Variants in DNAH10 observed in about 807,000 individuals in gnomAD.
DNAH10 encodes dynein axonemal heavy chain 10, also known as axonemal beta dynein heavy chain 10.
In DNAH10, 348 loss-of-function variants were observed where a neutral mutation model predicts 506.6. That is an observed-to-expected ratio of 0.69 (90% CI 0.63 to 0.75). The LOEUF (loss-of-function observed/expected upper bound fraction) is 0.75, where lower values mean the gene tolerates loss of function less well. Among genes scored for constraint, DNAH10 ranks in the 30% least tolerant of loss-of-function variants. The probability of loss-of-function intolerance (pLI) is 0.00; values close to 1 mark genes in which losing one functional copy is unlikely to be tolerated. For missense variants in DNAH10, 5,179 were observed against 5,787.1 expected (o/e 0.89, Z 3.41); for synonymous variants, 2,059 against 2,198.6 (o/e 0.94, Z 1.78).
chr12:123,865,452 A>G (rs6488907), intron 40 of DNAH10, among the ~76,000 whole-genome samples: 109,505 of 152,046 alleles, frequency 0.72, 40,892 homozygotes, highest in African/African-American at 0.9. Context: ...TCAGTGCATG[A>G]AATATTTGTA....
chr12:123,835,530 C>G lies in DNAH10; in HGVS notation c.4902+2C>G. 1.2e-6 allele frequency: 2 copies of G among 1,605,550 alleles called. No homozygotes were observed. Among genetic ancestry groups the G allele is most frequent in the Non-Finnish European group, 1.7e-6 (2 of 1,175,762 alleles). On this transcript the variant is annotated splice_donor_variant, in intron 28 of 78. Coordinates refer to ENST00000673944, the MANE Select transcript of DNAH10 (RefSeq NM_001372106.1). LOFTEE classifies it high-confidence loss of function. ...AACATCGATAAAGTATTTAAAAGGG[C>G]AAGTGACTCGCTTCTATTTTAGTAA...
chr12:123,870,442 A>AT lies in DNAH10; in HGVS notation c.7596_7597insT (p.Glu2533Ter), dbSNP rs1951983137. The AT allele has an allele frequency of 6.2e-7, 1 of 1,613,814 alleles. No individual in the cohort carries two copies. The highest frequency in any genetic ancestry group is 8.5e-7 in the Non-Finnish European group (1 of 1,179,884). On this transcript the variant is annotated frameshift_variant, in exon 44 of 79. Transcript: ENST00000673944. LOFTEE classifies it high-confidence loss of function. ...GGGTCCCATGGAGTAAATTAGTTCC[A>AT]GAGTATATTCATGCCCCCGAGAGGA...
In DNAH10 at chr12:123,803,722, C is replaced by G; in HGVS notation, c.2676C>G (p.His892Gln). 1 of 1,611,216 alleles carries G rather than the reference C, an allele frequency of 6.2e-7. No homozygotes were observed. Among genetic ancestry groups the G allele is most frequent in the Non-Finnish European group, 8.5e-7 (1 of 1,179,136 alleles). The change falls in exon 17 of 79, where the codon CAC becomes CAG. Residue 892 changes from histidine to glutamine, a missense_variant. This residue lies in a region of DNAH10 where 4,844 missense variants were observed against 5,430.5 expected (regional missense o/e 0.89). Coordinates refer to ENST00000673944, the MANE Select transcript of DNAH10 (RefSeq NM_001372106.1). ...QAIGKFESLV[H>Q]QIHKNADDIS... ...TTGGGAAATTTGAGTCTCTCGTCCA[C>G]CAGATTCATAAGAATGCAGATGACA...
At chr12:123,778,480 A>G (rs949769531) in intron 5 of DNAH10, among the ~76,000 whole-genome samples, 1 of 152,132 alleles carries the variant, frequency 6.6e-6, no homozygotes, top group African/African-American at 2.4e-5. Flanking sequence ...GGATCACCTG[A>G]GGTCAGGAGT....
intron 51 of DNAH10, 124 bp downstream of exon 51, chr12:123,881,937 G>A: frequency 1.0e-6 from 1 of 974,684 alleles, no homozygotes; most frequent in Non-Finnish European, 1.4e-6. Flanking sequence ...GTATCGAGGT[G>A]GGTGTTTTGG....
intron 2 of DNAH10, among the ~76,000 whole-genome samples, chr12:123,769,552 C>T (rs1371102812): frequency 1.3e-5 from 2 of 152,314 alleles, no homozygotes; most frequent in African/African-American, 2.4e-5. Flanking sequence ...TAGGAAGGCA[C>T]TCTCGGCTTC....
At chr12:123,871,102 G>T (rs761916045) in intron 44 of DNAH10, among the ~76,000 whole-genome samples, 67 of 152,206 alleles carry the variant, frequency 4.4e-4, no homozygotes, top group Admixed American at 6.5e-4. Context: ...CGATGCTGTG[G>T]CTTCACTGTC....
chr12:123,846,280 AG>A lies in DNAH10; in HGVS notation c.5814+127del. 1 of 1,268,198 alleles carries A rather than the reference AG, an allele frequency of 7.9e-7. No individual in the cohort carries two copies. The highest frequency in any genetic ancestry group is 1.1e-6 in the Non-Finnish European group (1 of 946,674). The allele number at this position is 1,268,198 out of a possible 1,614,324, so 78.6% of individuals were successfully genotyped here. On this transcript the variant is annotated intron_variant, in intron 32 of 78. Coordinates refer to ENST00000673944, the MANE Select transcript of DNAH10 (RefSeq NM_001372106.1). This position sits in a 1 kb window ranked among gnomAD's most constrained non-coding sequence, Gnocchi z 4.5. ...AGATCATTGCTTTGAAATCTCGAAA[AG>A]CTTTTCCATTTGGGATGTGACCAGA...
intron 1 of DNAH10, among the ~76,000 whole-genome samples, chr12:123,764,397 T>C (rs557701057): frequency 4.6e-5 from 7 of 152,116 alleles, no homozygotes; most frequent in Admixed American, 6.6e-5. Context: ...GGCACTTTCA[T>C]TGGCACCAAG....
In DNAH10 at chr12:123,762,480, C is replaced by A; in HGVS notation, c.144C>A (p.Ser48Arg). 6.6e-7 allele frequency: 1 copy of A among 1,509,104 alleles called. No homozygotes were observed. Among genetic ancestry groups the A allele is most frequent in the South Asian group, 1.3e-5 (1 of 79,232 alleles). The allele number at this position is 1,509,104 out of a possible 1,614,324, so 93.5% of individuals were successfully genotyped here. A position where few individuals can be genotyped will look rare whatever the true frequency, so the allele number is the denominator to read the frequency against. ...TCTTGCACTTCCTCAACCAGGCGAG[C>A]GAGGAGGAGGGGCCCTCGGCGCTCT... ...DLILHFLNQA[S>R]EEEGPSALFI... The change falls in exon 1 of 79, where the codon AGC (serine) becomes AGA (arginine). Residue 48 changes from serine (S) to arginine (R), a missense_variant. This residue lies in a region of DNAH10 where 326 missense variants were observed against 330.8 expected (regional missense o/e 0.99). Coordinates refer to ENST00000673944, the MANE Select transcript of DNAH10 (RefSeq NM_001372106.1). This position sits in a 1 kb window ranked among gnomAD's most constrained non-coding sequence, Gnocchi z 5.0.
Position 123,865,957 on chromosome 12 carries a change from G to T in DNAH10, c.7051G>T (p.Asp2351Tyr). Reference protein sequence around the residue: ...AHCALLFEVGDLQYASPATVS... With the variant: ...AHCALLFEVGYLQYASPATVS... ...ATTTTCTTTATTTATCCAGGTTGGA[G>T]ATTTACAGTATGCCTCCCCTGCAAC... The change falls in exon 41 of 79, where the codon GAT (aspartate) becomes TAT (tyrosine). Residue 2351 changes from aspartate (D) to tyrosine (Y), a missense_variant. Asp to Tyr is a radical substitution (Grantham distance 160, BLOSUM62 -3). Transcript: ENST00000673944. 2 of 1,603,544 alleles carry T rather than the reference G, an allele frequency of 1.2e-6. No individual in the cohort carries two copies. The highest frequency in any genetic ancestry group is 1.7e-6 in the Non-Finnish European group (2 of 1,176,560).
At chr12:123,895,024 T>A (rs1362248323) in intron 54 of DNAH10, among the ~76,000 whole-genome samples, 1 of 152,210 alleles carries the variant, frequency 6.6e-6, no homozygotes, top group Non-Finnish European at 1.5e-5. Flanking sequence ...GTAAATAAAG[T>A]TTTATTGGTA....
At chr12:123,783,330 C>T (rs1957733429) in intron 7 of DNAH10, 66 bp downstream of exon 7, 57 of 1,588,642 alleles carry the variant, frequency 3.6e-5, no homozygotes, top group Non-Finnish European at 4.4e-5. Context: ...GGAAAGAGCC[C>T]GGAGTCTGGG....
At chr12:123,870,731 G>C (rs1192252422) in intron 44 of DNAH10, among the ~76,000 whole-genome samples, 1 of 152,158 alleles carries the variant, frequency 6.6e-6, no homozygotes, top group Non-Finnish European at 1.5e-5. Flanking sequence ...TCCCCAGCAG[G>C]CCGATCCCCA....
rs781022568 is a variant in DNAH10, at chr12:123,853,360, C to T, written c.6438+8C>T. On this transcript the variant is annotated splice_region_variant and intron_variant, in intron 36 of 78. Coordinates refer to ENST00000673944, the MANE Select transcript of DNAH10 (RefSeq NM_001372106.1). This position sits in a 1 kb window ranked among gnomAD's most constrained non-coding sequence, Gnocchi z 4.7. ...TCCTCTGACCTTAGGGAGGTAGGGGCCACGTGCTGGAACATTCTCTGGTTT... is the reference window on the plus strand; with the variant it reads ...TCCTCTGACCTTAGGGAGGTAGGGGTCACGTGCTGGAACATTCTCTGGTTT... 1.2e-6 allele frequency: 2 copies of T among 1,607,014 alleles called. No individual in the cohort carries two copies. The highest frequency in any genetic ancestry group is 4.5e-5 in the East Asian group (2 of 44,750).
chr12:123,929,112 T>C, intron 70 of DNAH10, 163 bp from the exon 71 acceptor site: 1 of 714,624 alleles, frequency 1.4e-6, no homozygotes, highest in Non-Finnish European at 2.3e-6. Context: ...TCTAGTCCTT[T>C]AACTTCTCAG....
At chr12:123,904,372 T>A (rs1953676296) in intron 57 of DNAH10, among the ~76,000 whole-genome samples, 1 of 152,058 alleles carries the variant, frequency 6.6e-6, no homozygotes, top group Non-Finnish European at 1.5e-5. Flanking sequence ...CCAGGGAAAT[T>A]TCTAGCTACC....
intron 52 of DNAH10, among the ~76,000 whole-genome samples, chr12:123,890,294 A>G (rs972464060): frequency 2.0e-5 from 3 of 152,110 alleles, no homozygotes; most frequent in Admixed American, 6.5e-5. Context: ...TTTCAGAGAC[A>G]GGGTCTTACT....
rs1555214367 is a variant in DNAH10 at position 123,779,604 on chromosome 12, G to GAGA, written c.622-1476_622-1475insAGA. ...CTTGATTAATGGACCTGGGGGTGGG[G>GAGA]GAGAGAGAGAGAGAGAGAAACAAAA... On this transcript the variant is annotated intron_variant, in intron 5 of 78. Coordinates refer to ENST00000673944, the MANE Select transcript of DNAH10 (RefSeq NM_001372106.1). Among the ~76,000 whole-genome samples, 4 of 149,686 alleles carry GAGA rather than the reference G, an allele frequency of 2.7e-5. No individual in the cohort carries two copies. In the East Asian group the frequency reaches 5.9e-4, roughly 22 times the overall value.
Sources: gnomAD v4.1 joint callset for allele counts (sites outside exome capture counted in the v4.1 genomes callset) on GRCh38, gnomAD v4.1.1 for gene constraint, gnomAD v4.1.1 regional missense constraint, Gnocchi (gnomAD v3.1) non-coding constraint, MANE v1.5 for transcripts, NCBI Gene and HGNC (gene_info 2026-07-23, HGNC 2026-07-21) for gene names.